The following ZFP64 variants were observed in gnomAD, a reference collection of about 807,000 sequenced individuals.
The protein encoded by ZFP64 is ZFP64 zinc finger protein, also known as zinc finger protein 64.
Under a neutral mutation model 51.6 loss-of-function variants are expected in ZFP64, and 14 were observed. That is an observed-to-expected ratio of 0.27 (90% CI 0.18 to 0.42). The LOEUF is 0.42. ZFP64 is among the 10% of genes least tolerant of loss of function. ZFP64 has a pLI of 1.00. For synonymous variants in ZFP64, 375 were observed against 361.4 expected (o/e 1.04, Z -0.43); for missense variants, 754 against 906.8 (o/e 0.83, Z 2.16).
At chr20:52,186,208 T>A (rs965703703) in intron 2 of ZFP64, among the ~76,000 whole-genome samples, 2 of 152,216 alleles carry the variant, frequency 1.3e-5, no homozygotes, top group African/African-American at 4.8e-5. Context: ...TTTAAAGTTA[T>A]CTTCCTGCCC....
intron 5 of ZFP64, among the ~76,000 whole-genome samples, chr20:52,109,809 A>G (rs1978461376): frequency 1.3e-5 from 2 of 151,582 alleles, no homozygotes; most frequent in South Asian, 2.1e-4. Context: ...AAAAGAAAAA[A>G]ATTTGTTGCT....
intron 6 of ZFP64, chr20:52,097,452 G>T (rs1475789712): frequency 7.9e-6 from 12 of 1,521,398 alleles, no homozygotes; most frequent in Admixed American, 2.0e-5. Context: ...AAGAAAAATA[G>T]ATTTTTTTTT....
At chr20:52,138,217 C>CA (rs1298619098) in intron 5 of ZFP64, among the ~76,000 whole-genome samples, 5 of 151,280 alleles carry the variant, frequency 3.3e-5, no homozygotes, top group African/African-American at 7.3e-5. Context: ...AAACAACACA[C>CA]AAAAAATTGG....
At chr20:52,142,380 A>ACACACACACACACG (rs1177138816) in intron 5 of ZFP64, among the ~76,000 whole-genome samples, 4 of 81,458 alleles carry the variant, frequency 4.9e-5, no homozygotes, top group African/African-American at 1.6e-4. Flanking sequence ...ACACACAGAC[A>ACACACACACACACG]CACACACACA....
intron 5 of ZFP64, among the ~76,000 whole-genome samples, chr20:52,106,638 C>A (rs900676173): frequency 6.6e-6 from 1 of 152,144 alleles, no homozygotes; most frequent in African/African-American, 2.4e-5. Flanking sequence ...CCTCAAACTT[C>A]CCCTTGATTT....
At position 52,088,338 on chromosome 20, in the gene ZFP64, G is replaced by T. The variant is rs1449542727; in HGVS notation, c.1228+54C>A. The T allele has an allele frequency of 2.5e-6, 4 of 1,596,796 alleles. No individual in the cohort carries two copies. In the South Asian group the frequency reaches 4.5e-5, roughly 18 times the overall value. The stretch of plus-strand genomic sequence containing the variant: ...TGCTTGTGTTGTTAAGTAAATGAAG[G>T]TTAAGAAATTAGAGAAAAAGTAAGG... On this transcript the variant is annotated intron_variant, in intron 8 of 8. Coordinates refer to the ZFP64 transcript ENST00000361387.
chr20:52,091,787 A>G (rs926671685), intron 7 of ZFP64, among the ~76,000 whole-genome samples: 2 of 147,698 alleles, frequency 1.4e-5, no homozygotes, highest in Non-Finnish European at 3.0e-5. Context: ...TGGGAGTTCG[A>G]GACCAACCTG....
At position 52,189,372 on chromosome 20, in the gene ZFP64, G is replaced by A. The variant is rs141189517; in HGVS notation, c.46+2219C>T. Among the ~76,000 whole-genome samples, 568 of 144,260 alleles carry A rather than the reference G, an allele frequency of 3.9e-3. 4 individuals are homozygous for A. Among genetic ancestry groups the A allele is most frequent in the African/African-American group, 0.015 (548 of 36,554 alleles). 94.6% of individuals were successfully genotyped at this position (144,260 alleles called of 152,430 possible). On this transcript the variant is annotated intron_variant, in intron 1 of 5. Coordinates refer to ENST00000216923, the MANE Select transcript of ZFP64 (RefSeq NM_018197.3). ...GATCATGCCACTGAACTTCCAGCCTGGTGACAGCGAGACTTCATCTCAAAA... is the reference window on the plus strand; with the variant it reads ...GATCATGCCACTGAACTTCCAGCCTAGTGACAGCGAGACTTCATCTCAAAA...
intron 2 of ZFP64, among the ~76,000 whole-genome samples, chr20:52,172,221 T>TTTG (rs1982809083): frequency 1.4e-5 from 2 of 147,986 alleles, no homozygotes; most frequent in Admixed American, 1.3e-4. Context: ...GTGTGTGTGT[T>TTTG]TGTGTGTGTG....
intron 5 of ZFP64, among the ~76,000 whole-genome samples, chr20:52,121,938 A>G (rs535146118): frequency 6.6e-6 from 1 of 152,340 alleles, no homozygotes; most frequent in South Asian, 2.1e-4. Flanking sequence ...GAATGATGCT[A>G]CATCTACTCC....
chr20:52,137,349 C>T (rs1980029711), intron 5 of ZFP64, among the ~76,000 whole-genome samples: 1 of 152,110 alleles, frequency 6.6e-6, no homozygotes, highest in Non-Finnish European at 1.5e-5. Context: ...TGCTGGGCTA[C>T]AGGACCTAGG....
chr20:52,088,598 C>T (rs569351576), exon 8 of ZFP64: 7 of 1,614,170 alleles, frequency 4.3e-6, no homozygotes, highest in East Asian at 2.2e-5. Flanking sequence ...GTTGTCCTTC[C>T]GGCTGAAGCA....
At chr20:52,097,453 ATTTT>A (rs11309611) in intron 6 of ZFP64, 568 of 1,438,638 alleles carry the variant, frequency 3.9e-4, no homozygotes, top group Admixed American at 1.1e-3. Context: ...AGAAAAATAG[ATTTT>A]TTTTTTTTTT....
At chr20:52,135,420 T>A (rs1270816179) in intron 5 of ZFP64, among the ~76,000 whole-genome samples, 1 of 152,196 alleles carries the variant, frequency 6.6e-6, no homozygotes, top group African/African-American at 2.4e-5. Flanking sequence ...ACACTGCTGA[T>A]TCCTGCTCTA....
intron 5 of ZFP64, among the ~76,000 whole-genome samples, chr20:52,130,353 A>T (rs1979664447): frequency 6.6e-6 from 1 of 152,062 alleles, no homozygotes; most frequent in Non-Finnish European, 1.5e-5. Context: ...AGCTGAGACT[A>T]CAGGAATGTT....
chr20:52,186,778 G>C, intron 2 of ZFP64, 54 bp downstream of exon 2: 1 of 1,558,684 alleles, frequency 6.4e-7, no homozygotes, highest in South Asian at 1.2e-5. Context: ...CCATGGACGT[G>C]TTTGAGACAC....
chr20:52,126,049 T>G (rs1979432782), intron 5 of ZFP64, among the ~76,000 whole-genome samples: 1 of 152,034 alleles, frequency 6.6e-6, no homozygotes, highest in Admixed American at 6.6e-5. Context: ...TACAGACACC[T>G]GCCACACCTG....
In ZFP64 at chr20:52,151,935, G is replaced by C; in HGVS notation, c.*211C>G. The C allele has an allele frequency of 1.7e-6, 2 of 1,169,282 alleles. No individual in the cohort carries two copies. The highest frequency in any genetic ancestry group is 2.3e-6 in the Non-Finnish European group (2 of 874,190). The allele number at this position is 1,169,282 out of a possible 1,614,324, so 72.4% of individuals were successfully genotyped here. On this transcript the variant is annotated 3_prime_UTR_variant, in exon 6 of 6. Transcript: ENST00000216923. ...ACCTGTGGTCCCAGCTACTCGGAGG[G>C]CTGAGGCATGAGAATCGCTTGAACC...
chr20:52,177,849 G>C (rs916780770), intron 2 of ZFP64, among the ~76,000 whole-genome samples: 2 of 152,020 alleles, frequency 1.3e-5, no homozygotes, highest in Admixed American at 1.3e-4. Context: ...TGACCAACAT[G>C]GTGAAACCCC....
Sources: gnomAD v4.1 joint callset for allele counts (sites outside exome capture counted in the v4.1 genomes callset) on GRCh38, gnomAD v4.1.1 for gene constraint, MANE v1.5 for transcripts, NCBI Gene and HGNC (gene_info 2026-07-23, HGNC 2026-07-21) for gene names.